Variants in INSYN2B observed in about 807,000 individuals in gnomAD.
The protein encoded by INSYN2B is inhibitory synaptic factor family member 2B, also known as protein INSYN2B.
In INSYN2B, 16 loss-of-function variants were observed where a neutral mutation model predicts 41.2. The ratio of observed to expected loss-of-function variants is 0.39; its 90% CI spans 0.26 to 0.59. The LOEUF (loss-of-function observed/expected upper bound fraction) is 0.59. INSYN2B is among the 20% of genes least tolerant of loss of function. The pLI is 0.57. For synonymous variants in INSYN2B, 245 were observed against 244.4 expected, an observed-to-expected ratio of 1.00 and a Z score of -0.02; for missense variants, 608 against 646.4, an observed-to-expected ratio of 0.94 and a Z score of 0.64.
At chr5:169,880,209 C>T (rs865977672) in intron 3 of INSYN2B, among the ~76,000 whole-genome samples, 2 of 152,304 alleles carry the variant, frequency 1.3e-5, no homozygotes, top group Middle Eastern at 6.8e-3. Context: ...GTGAGCAGTC[C>T]TGACGCTTCT....
chr5:169,880,214 G>A (rs1049954704), intron 3 of INSYN2B, among the ~76,000 whole-genome samples: 9 of 152,186 alleles, frequency 5.9e-5, no homozygotes, highest in Non-Finnish European at 1.2e-4. Flanking sequence ...CAGTCCTGAC[G>A]CTTCTGTTAT....
chr5:169,964,453 A>G (rs544080423), intron 1 of INSYN2B, among the ~76,000 whole-genome samples: 1 of 152,368 alleles, frequency 6.6e-6, no homozygotes, highest in Admixed American at 6.5e-5. Flanking sequence ...GGGAGGGGGC[A>G]GCTAGACGCA....
intron 1 of INSYN2B, among the ~76,000 whole-genome samples, chr5:169,939,931 G>C (rs1776165855): frequency 6.6e-6 from 1 of 152,202 alleles, no homozygotes. Context: ...TGGAAAAACA[G>C]AGATTCTGAG....
In INSYN2B at chr5:169,883,495, T is replaced by C. The variant is rs1772789345; in HGVS notation, c.404A>G (p.Asn135Ser). The change falls in exon 2 of 4, where the codon AAC (asparagine) becomes AGC (serine). Residue 135 changes from asparagine (N) to serine (S), a missense_variant. Asn to Ser is a conservative substitution (Grantham distance 46). Transcript: ENST00000377365. ...PTASQSAIQV[N>S]GNLSEQDIVS... Reference sequence around the variant, plus strand: ...AATGTCCTGTTCAGAGAGGTTACCGTTGACCTGGATGGCACTTTGGGAGGC... The same window carrying C: ...AATGTCCTGTTCAGAGAGGTTACCGCTGACCTGGATGGCACTTTGGGAGGC... 1 of 1,551,552 alleles carries C rather than the reference T, an allele frequency of 6.4e-7. No individual in the cohort carries two copies. The highest frequency in any genetic ancestry group is 2.0e-5 in the Admixed American group (1 of 50,984).
At chr5:169,885,104 C>T (rs186480844) in intron 1 of INSYN2B, among the ~76,000 whole-genome samples, 2 of 152,212 alleles carry the variant, frequency 1.3e-5, no homozygotes, top group Non-Finnish European at 2.9e-5. Context: ...GCAGCCTTTA[C>T]AATGTCTCCC....
At chr5:169,867,830 TC>T (rs1328901869) in intron 3 of INSYN2B, among the ~76,000 whole-genome samples, 2 of 152,110 alleles carry the variant, frequency 1.3e-5, no homozygotes, top group Admixed American at 6.6e-5. Flanking sequence ...TATACTTCAT[TC>T]TCCCCAGTGG....
chr5:169,938,134 C>T (rs1776074862), intron 1 of INSYN2B, among the ~76,000 whole-genome samples: 1 of 152,200 alleles, frequency 6.6e-6, no homozygotes, highest in South Asian at 2.1e-4. Flanking sequence ...ACAAAATGCT[C>T]CCTGCCTCTC....
At chr5:169,960,349 C>T (rs1256841727) in intron 1 of INSYN2B, among the ~76,000 whole-genome samples, 3 of 152,100 alleles carry the variant, frequency 2.0e-5, no homozygotes, top group Non-Finnish European at 4.4e-5. Context: ...ATTTATGGTG[C>T]CTGAAAGGTG....
chr5:169,883,563 C>G lies in INSYN2B; in HGVS notation c.336G>C (p.Arg112Ser), dbSNP rs1772795103. The G allele has an allele frequency of 1.3e-6, 2 of 1,551,504 alleles. No homozygotes were observed. The change falls in exon 2 of 4, where the codon AGG becomes AGC. Residue 112 changes from arginine (R) to serine (S), a missense_variant. Arg to Ser is a moderately radical substitution (Grantham distance 110). Coordinates refer to ENST00000377365, the MANE Select transcript of INSYN2B (RefSeq NM_001129891.3). The stretch of plus-strand genomic sequence containing the variant: ...GGGACTTACTGGCTGTGAGTCTCTT[C>G]CTTTTGAAAACTGGGAAATGCTTCC... Reference protein sequence around the residue: ...SLRKHFPVFKRKRLTASKSLV... With the variant: ...SLRKHFPVFKSKRLTASKSLV...
At chr5:169,910,410 G>T (rs1774528544) in intron 1 of INSYN2B, among the ~76,000 whole-genome samples, 1 of 152,144 alleles carries the variant, frequency 6.6e-6, no homozygotes, top group African/African-American at 2.4e-5. Context: ...TACCCCCTCA[G>T]TGCTGATTTA....
At chr5:169,934,409 C>T (rs957183665) in intron 1 of INSYN2B, among the ~76,000 whole-genome samples, 1 of 152,190 alleles carries the variant, frequency 6.6e-6, no homozygotes, top group African/African-American at 2.4e-5. Flanking sequence ...TCCGCATGCC[C>T]GTGAATCACA....
rs17738164 is a variant in INSYN2B, at chr5:169,971,248, A to G, written c.-919+9029T>C. Among the ~76,000 whole-genome samples, 522 of 152,100 alleles carry G rather than the reference A, an allele frequency of 3.4e-3. 21 individuals carry two copies. The East Asian group carries it at 0.088, about 26-fold the overall frequency. ...TTGCAAACCAATGAATCAATGAAGT[A>G]TCATTCCCAGAGCAGGAAGGAAGCT... On this transcript the variant is annotated intron_variant, in intron 1 of 3. Transcript: ENST00000377365.
intron 2 of INSYN2B, 65 bp downstream of exon 2, chr5:169,882,488 T>A: frequency 7.4e-7 from 1 of 1,358,126 alleles, no homozygotes; most frequent in South Asian, 1.5e-5. Context: ...CAAAGCTGTC[T>A]CTGCCCCTGT....
At position 169,881,440 on chromosome 5, in the gene INSYN2B, C is replaced by T. The variant is rs1288506076; in HGVS notation, c.1349G>A (p.Arg450His). The T allele has an allele frequency of 1.0e-5, 16 of 1,551,322 alleles. No individual in the cohort carries two copies. In the South Asian group the frequency reaches 1.4e-4, roughly 14 times the overall value. The change falls in exon 3 of 4, where the codon CGC (arginine) becomes CAC (histidine). Residue 450 changes from arginine (R) to histidine (H), a missense_variant and splice_region_variant. Coordinates refer to ENST00000377365, the MANE Select transcript of INSYN2B (RefSeq NM_001129891.3). ...LEKARALTEG[R>H]NFYRTGQDLN... ...ATCTTGGCCAGTTCGATAAAAGTTG[C>T]GCCTGCAAGACAGAGCATTTGCTGG...
intron 1 of INSYN2B, among the ~76,000 whole-genome samples, chr5:169,974,253 G>C (rs1777633849): frequency 6.6e-6 from 1 of 152,186 alleles, no homozygotes; most frequent in African/African-American, 2.4e-5. Flanking sequence ...ATAAGATAAA[G>C]CTTACATAGT....
chr5:169,961,551 A>G (rs1581475170), intron 1 of INSYN2B, among the ~76,000 whole-genome samples: 1 of 152,334 alleles, frequency 6.6e-6, no homozygotes, highest in East Asian at 1.9e-4. Flanking sequence ...ATGGTGGACT[A>G]AGCAGACATT....
chr5:169,885,609 G>T (rs1280972732), intron 1 of INSYN2B, among the ~76,000 whole-genome samples: 1 of 152,148 alleles, frequency 6.6e-6, no homozygotes, highest in Non-Finnish European at 1.5e-5. Context: ...ACCATTTATT[G>T]AGCACATACT....
At chr5:169,885,212 A>G (rs921769425) in intron 1 of INSYN2B, among the ~76,000 whole-genome samples, 2 of 152,282 alleles carry the variant, frequency 1.3e-5, no homozygotes, top group Non-Finnish European at 1.5e-5. Flanking sequence ...TTAAATAAGC[A>G]TTTGTGTATG....
At chr5:169,938,965 G>C (rs182068087) in intron 1 of INSYN2B, among the ~76,000 whole-genome samples, 91 of 150,302 alleles carry the variant, frequency 6.1e-4, no homozygotes, top group African/African-American at 2.1e-3. Context: ...GTACAGTGGC[G>C]TGATCTCGGC....
Sources: gnomAD v4.1 joint callset for allele counts (sites outside exome capture counted in the v4.1 genomes callset) on GRCh38, gnomAD v4.1.1 for gene constraint, MANE v1.5 for transcripts, NCBI Gene and HGNC (gene_info 2026-07-23, HGNC 2026-07-21) for gene names.